Variants in SEC16A observed in about 807,000 individuals in gnomAD.
SEC16A encodes SEC16 homolog A, endoplasmic reticulum export factor.
Under a neutral mutation model 221.9 loss-of-function variants are expected in SEC16A, and 110 were observed. That is an observed-to-expected ratio of 0.50 (90% CI 0.42 to 0.58). The LOEUF (loss-of-function observed/expected upper bound fraction) is 0.58, where lower values mean the gene tolerates loss of function less well. Ranked by LOEUF, SEC16A falls within the 20% of genes least tolerant of loss-of-function variation. The probability of loss-of-function intolerance (pLI) is 0.00; values close to 1 mark genes in which losing one functional copy is unlikely to be tolerated. For missense variants in SEC16A, 3,165 were observed against 3,097.8 expected (o/e 1.02, Z -0.52); for synonymous variants, 1,393 against 1,257.7 (o/e 1.11, Z -2.28).
At chr9:136,450,588 A>C (rs1236804052) in intron 23 of SEC16A, among the ~76,000 whole-genome samples, 2 of 152,132 alleles carry the variant, frequency 1.3e-5, no homozygotes, top group Non-Finnish European at 2.9e-5. Flanking sequence ...CGCTGTGGAG[A>C]TGCAGAGGAA....
intron 30 of SEC16A, 128 bp downstream of exon 30, chr9:136,444,924 G>A (rs894592221): frequency 4.7e-6 from 3 of 637,514 alleles, no homozygotes; most frequent in East Asian, 2.9e-5. Flanking sequence ...CCTTGGTCAC[G>A]TGACGCTGAG....
intron 1 of SEC16A, among the ~76,000 whole-genome samples, chr9:136,480,454 G>A (rs1008901502): frequency 1.3e-5 from 2 of 152,158 alleles, no homozygotes; most frequent in Admixed American, 6.5e-5. Flanking sequence ...TGAGTGGCTC[G>A]AGGCAGCCAC....
chr9:136,467,608 A>C (rs1216744182), intron 5 of SEC16A, among the ~76,000 whole-genome samples: 1 of 152,216 alleles, frequency 6.6e-6, no homozygotes, highest in Non-Finnish European at 1.5e-5. Flanking sequence ...TTTCAAAAAT[A>C]ATCTCAATAT....
Position 136,447,640 on chromosome 9 carries a change from G to A in SEC16A, c.6488C>T (p.Thr2163Ile). 1 of 1,613,618 alleles carries A rather than the reference G, an allele frequency of 6.2e-7. No homozygotes were observed. Among genetic ancestry groups the A allele is most frequent in the East Asian group, 2.2e-5 (1 of 44,886 alleles). Residue 2163 changes from threonine to isoleucine, a missense_variant, in exon 26 of 32, where the codon ACT (threonine) becomes ATT (isoleucine). Coordinates refer to ENST00000684901, the MANE Select transcript of SEC16A (RefSeq NM_014866.2). The surrounding 1 kb of genome is among the most constrained non-coding windows in gnomAD (Gnocchi z 5.5). Reference protein sequence around the residue: ...PPPPPTSMPKTVQAAPPALPG... With the variant: ...PPPPPTSMPKIVQAAPPALPG... Reference sequence around the variant, plus strand: ...GAGGGCAGGCGGGGCAGCTTGCACAGTCTTGGGCATCGAGGTTGGAGGTGG... The same window carrying A: ...GAGGGCAGGCGGGGCAGCTTGCACAATCTTGGGCATCGAGGTTGGAGGTGG...
At chr9:136,442,791 G>A (rs1389908013) in intron 31 of SEC16A, among the ~76,000 whole-genome samples, 4 of 152,250 alleles carry the variant, frequency 2.6e-5, no homozygotes, top group African/African-American at 7.2e-5. Flanking sequence ...TCTGAAGAAA[G>A]TGACTTTGGC....
chr9:136,452,744 C>T (rs1033269809), intron 22 of SEC16A, among the ~76,000 whole-genome samples: 7 of 121,970 alleles, frequency 5.7e-5, no homozygotes, highest in Non-Finnish European at 8.0e-5. Context: ...CCAGCCTAGG[C>T]GACAGAGCGA....
In SEC16A at chr9:136,464,499, G is replaced by C. The variant is rs773659876; in HGVS notation, c.4367C>G (p.Pro1456Arg). 1 of 1,612,700 alleles carries C rather than the reference G, an allele frequency of 6.2e-7. No individual in the cohort carries two copies. The highest frequency in any genetic ancestry group is 8.5e-7 in the Non-Finnish European group (1 of 1,178,822). The part of the protein sequence containing the change: ...SVPHVCARFG[P>R]GGQLIKVIPN... ...AATCACTTTGATAAGCTGACCGCCA[G>C]GGCCAAACCTGGCACAGACATGAGG... The change falls in exon 9 of 32, where the codon CCT becomes CGT. Residue 1456 changes from proline to arginine, a missense_variant. Around this residue, in one of 3 missense-constraint regions of SEC16A, gnomAD observed 2,030 missense variants for 1,923.1 expected, o/e 1.06. Coordinates refer to ENST00000684901, the MANE Select transcript of SEC16A (RefSeq NM_014866.2).
intron 1 of SEC16A, among the ~76,000 whole-genome samples, chr9:136,480,363 T>C (rs1842164599): frequency 6.6e-6 from 1 of 152,226 alleles, no homozygotes; most frequent in African/African-American, 2.4e-5. Flanking sequence ...CTCAAAAGCT[T>C]TTGTTTGCTT....
In SEC16A at chr9:136,476,269, C is replaced by G. The variant is rs375434454; in HGVS notation, c.1347G>C (p.Pro449=). 1 of 1,613,402 alleles carries G rather than the reference C, an allele frequency of 6.2e-7. No individual in the cohort carries two copies. The highest frequency in any genetic ancestry group is 1.1e-5 in the South Asian group (1 of 91,090). The change falls in exon 3 of 32, where the codon CCG becomes CCC. Residue 449 remains proline, a synonymous_variant. Coordinates refer to ENST00000684901, the MANE Select transcript of SEC16A (RefSeq NM_014866.2). ...TCTCATACTGCGAGCCGCTGGCATC[C>G]GGCACCCCTGTGCTCGCTGTGTCAC... The part of the protein sequence containing the change: ...VWGDTASTGV[P]DASGSQYENV...
intron 22 of SEC16A, among the ~76,000 whole-genome samples, chr9:136,452,769 GAAAAAAAAA>G: frequency 1.3e-5 from 1 of 77,948 alleles, no homozygotes; most frequent in African/African-American, 5.2e-5. Context: ...ATGTCTTAGG[GAAAAAAAAA>G]AAAAAAAAAA....
chr9:136,481,237 G>A (rs1217095070), intron 1 of SEC16A, among the ~76,000 whole-genome samples: 1 of 142,564 alleles, frequency 7.0e-6, no homozygotes, highest in East Asian at 2.2e-4. Flanking sequence ...CGGGGTTCAC[G>A]CCATTCTCCT....
chr9:136,469,070 G>A lies in SEC16A; in HGVS notation c.3705-558C>T, dbSNP rs190326910. On this transcript the variant is annotated intron_variant, in intron 4 of 31. Transcript: ENST00000684901. ...TCACCATGTTGCCGAGGCTGGTCTC[G>A]AACACCTGGGGTCAAGCGATCCACC... Among the ~76,000 whole-genome samples the A allele has an allele frequency of 1.3e-4, 20 of 152,072 alleles. No individual in the cohort carries two copies. In the East Asian group the frequency reaches 2.9e-3, roughly 22 times the overall value.
At position 136,472,207 on chromosome 9, in the gene SEC16A, G is replaced by A. The variant is rs749230309; in HGVS notation, c.3568-96C>T. 2.0e-3 allele frequency: 2,820 copies of A among 1,437,508 alleles called. 30 individuals carry two copies. The highest frequency in any genetic ancestry group is 2.8e-3 in the South Asian group (238 of 84,408). The allele number at this position is 1,437,508 out of a possible 1,614,324, so 89.0% of individuals were successfully genotyped here. A position where few individuals can be genotyped will look rare whatever the true frequency, so the allele number is the denominator to read the frequency against. On this transcript the variant is annotated intron_variant, in intron 3 of 31. Coordinates refer to ENST00000684901, the MANE Select transcript of SEC16A (RefSeq NM_014866.2). ...CTGGAAACATTGCAGAGGGCGGGCA[G>A]CATTAGATACCTACCAAGAGCAAGC...
In SEC16A at chr9:136,459,012, TC is replaced by T; in HGVS notation, c.5409+121del. 1.7e-6 allele frequency: 1 copy of T among 591,904 alleles called. No individual in the cohort carries two copies. The highest frequency in any genetic ancestry group is 2.9e-6 in the Non-Finnish European group (1 of 341,438). 36.7% of individuals were successfully genotyped at this position (591,904 alleles called of 1,614,324 possible). A position where few individuals can be genotyped will look rare whatever the true frequency, so the allele number is the denominator to read the frequency against. On this transcript the variant is annotated intron_variant, in intron 17 of 31. Transcript: ENST00000684901. This position sits in a 1 kb window ranked among gnomAD's most constrained non-coding sequence, Gnocchi z 6.1. ...TAGATCAAATGTCTTCTCAAGATCCTCCCCCAAAAAACTCACATCATTTTTT... is the reference window on the plus strand; with the variant it reads ...TAGATCAAATGTCTTCTCAAGATCCTCCCCAAAAAACTCACATCATTTTTT...
chr9:136,462,901 A>G lies in SEC16A; in HGVS notation c.4879T>C (p.Tyr1627His). ...AGGAGGCGCACCTTCTTACGGCCAT[A>G]CAGCAACAGCTCCCTGAACCTCTCG... The part of the protein sequence containing the change: ...ETERFRELLL[Y>H]GRKKDALESA... The change falls in exon 12 of 32, where the codon TAT (tyrosine) becomes CAT (histidine). Residue 1627 changes from tyrosine to histidine, a missense_variant. Tyr to His is a moderately conservative substitution (Grantham distance 83, BLOSUM62 2). This residue lies in a region of SEC16A where 1,088 missense variants were observed against 1,089.6 expected (regional missense o/e 1.00). Transcript: ENST00000684901. The G allele has an allele frequency of 6.2e-7, 1 of 1,601,256 alleles. No individual in the cohort carries two copies. The highest frequency in any genetic ancestry group is 8.5e-7 in the Non-Finnish European group (1 of 1,179,780).
chr9:136,483,694 C>T, upstream of SEC16A: 3 of 985,550 alleles, frequency 3.0e-6, no homozygotes, highest in Non-Finnish European at 3.6e-6. Flanking sequence ...AGCAGGCTCA[C>T]GCACCGAGAA....
In SEC16A at chr9:136,476,057, C is replaced by T. The variant is rs753199447; in HGVS notation, c.1559G>A (p.Ser520Asn). Residue 520 changes from serine (S) to asparagine (N), a missense_variant, in exon 3 of 32, where the codon AGC (serine) becomes AAC (asparagine). Ser to Asn is a conservative substitution (Grantham distance 46). Transcript: ENST00000684901. ...TCTGCTGCTATAGCTGGATGACACG[C>T]TGTCAGGGTGCACTGTATGCAGTGT... Reference protein sequence around the residue: ...DATLHTVHPDSVSSSYSSRSH... With the variant: ...DATLHTVHPDNVSSSYSSRSH... 1.2e-6 allele frequency: 2 copies of T among 1,613,422 alleles called. No individual in the cohort carries two copies. The highest frequency in any genetic ancestry group is 1.7e-6 in the Non-Finnish European group (2 of 1,179,872).
intron 30 of SEC16A, among the ~76,000 whole-genome samples, chr9:136,444,739 G>A (rs778658401): frequency 7.2e-5 from 11 of 152,032 alleles, no homozygotes; most frequent in Non-Finnish European, 1.5e-4. Context: ...TTAGCTGGGC[G>A]TGGTGGCTCA....
chr9:136,472,847 C>T (rs1044138521), intron 3 of SEC16A, among the ~76,000 whole-genome samples: 2 of 152,250 alleles, frequency 1.3e-5, no homozygotes, highest in Admixed American at 6.5e-5. Context: ...CTTGGCCACC[C>T]GGACACCACA....
Sources: gnomAD v4.1 joint callset for allele counts (sites outside exome capture counted in the v4.1 genomes callset) on GRCh38, gnomAD v4.1.1 for gene constraint, gnomAD v4.1.1 regional missense constraint, Gnocchi (gnomAD v3.1) non-coding constraint, MANE v1.5 for transcripts, NCBI Gene and HGNC (gene_info 2026-07-23, HGNC 2026-07-21) for gene names.